DYSF: variants seen among roughly 807,000 people sequenced by gnomAD.
DYSF encodes dysferlin.
Under a neutral mutation model 274.9 loss-of-function variants are expected in DYSF, and 212 were observed. The observed-to-expected ratio is 0.77, with a 90% CI of 0.69 to 0.86. The LOEUF (loss-of-function observed/expected upper bound fraction) is 0.86, where lower values mean the gene tolerates loss of function less well. DYSF is among the 40% of genes least tolerant of loss of function. DYSF has a pLI of 0.00. For synonymous variants in DYSF, 1,091 were observed against 1,078.7 expected, an observed-to-expected ratio of 1.01 and a Z score of -0.22; for missense variants, 2,666 against 2,783.2, an observed-to-expected ratio of 0.96 and a Z score of 0.95.
intron 3 of DYSF, among the ~76,000 whole-genome samples, chr2:71,485,799 C>T (rs993836831): frequency 1.3e-5 from 2 of 152,130 alleles, no homozygotes; most frequent in Non-Finnish European, 2.9e-5. Flanking sequence ...TTCAGGGAAT[C>T]CAGTTCAATG....
At chr2:71,583,207 T>C (rs2092954321) in intron 30 of DYSF, among the ~76,000 whole-genome samples, 1 of 152,232 alleles carries the variant, frequency 6.6e-6, no homozygotes. Flanking sequence ...AAATATAATC[T>C]GCTCTCGTGA....
chr2:71,551,552 C>A, intron 18 of DYSF, 55 bp from the exon 19 acceptor site: 1 of 1,492,646 alleles, frequency 6.7e-7, no homozygotes, highest in South Asian at 1.2e-5. Context: ...TGCCCCTTTC[C>A]TTCCCCTCCT....
rs2090736331 is a variant in DYSF, at chr2:71,549,201, G to A, written c.1577-1840G>A. 6 of 724,788 alleles carry A rather than the reference G, an allele frequency of 8.3e-6. No homozygotes were observed. In the Middle Eastern group the frequency reaches 7.2e-4, roughly 87 times the overall value. 44.9% of individuals were successfully genotyped at this position (724,788 alleles called of 1,614,324 possible). On this transcript the variant is annotated intron_variant, in intron 17 of 55. Transcript: ENST00000410020. ...TGATAAATTCACAGCTGGGCAGAGG[G>A]TGGGGCCTCGGGCCACATCTGTTTC...
intron 35 of DYSF, 36 bp from the exon 36 acceptor site, chr2:71,602,740 C>G: frequency 6.2e-7 from 1 of 1,610,402 alleles, no homozygotes; most frequent in Non-Finnish European, 8.5e-7. Flanking sequence ...CTCTCACCAT[C>G]TCCTGGATGT....
chr2:71,604,793 C>T (rs897648470), intron 36 of DYSF, among the ~76,000 whole-genome samples: 8 of 152,210 alleles, frequency 5.3e-5, no homozygotes, highest in Admixed American at 6.5e-5. Context: ...CTGCCCTTGT[C>T]GAAGGCTCCC....
intron 1 of DYSF, among the ~76,000 whole-genome samples, chr2:71,456,638 G>T (rs2081076553): frequency 6.6e-6 from 1 of 152,116 alleles, no homozygotes; most frequent in Non-Finnish European, 1.5e-5. Flanking sequence ...GCCCCTTTGT[G>T]CATGTATACA....
rs368816003 is a variant in DYSF at position 71,605,441 on chromosome 2, G to C, written c.3957+2636G>C. 3.3e-4 allele frequency among the ~76,000 whole-genome samples: 51 copies of C among 152,306 alleles called. 1 individual carries two copies. The South Asian group carries it at 0.01, about 30-fold the overall frequency. ...ACACACAGCAGCTGAGGTGATCGTG[G>C]GTCCCTGAATGCCCAGGGCCCCCTA... On this transcript the variant is annotated intron_variant, in intron 36 of 55. Transcript: ENST00000410020.
intron 55 of DYSF, among the ~76,000 whole-genome samples, chr2:71,684,404 A>G (rs1573217272): frequency 6.6e-6 from 1 of 152,148 alleles, no homozygotes; most frequent in East Asian, 1.9e-4. Flanking sequence ...TTCGGAGCCC[A>G]GCTGGCCAGT....
intron 32 of DYSF, among the ~76,000 whole-genome samples, chr2:71,592,798 A>G (rs1225939074): frequency 1.3e-5 from 2 of 151,656 alleles, no homozygotes; most frequent in African/African-American, 2.4e-5. Context: ...GCTTCTCTCT[A>G]TATGGTGGGT....
At chr2:71,553,747 A>AGCGCCAAAACCCC in intron 20 of DYSF, 60 bp from the exon 21 acceptor site, 1 of 872,684 alleles carries the variant, frequency 1.1e-6, no homozygotes, top group Non-Finnish European at 1.8e-6. Context: ...CACTCTTAGC[A>AGCGCCAAAACCCC]CCCCATCCCA....
intron 12 of DYSF, among the ~76,000 whole-genome samples, chr2:71,524,552 G>A (rs1030252677): frequency 1.3e-5 from 2 of 152,204 alleles, no homozygotes; most frequent in South Asian, 2.1e-4. Flanking sequence ...AGGTTTCTAC[G>A]TGTCAAGTGT....
intron 24 of DYSF, among the ~76,000 whole-genome samples, chr2:71,565,997 C>CTG (rs143798407): frequency 1.9e-4 from 29 of 151,802 alleles, no homozygotes; most frequent in Admixed American, 3.3e-4. Context: ...GTGAGTGTGT[C>CTG]TGTGTGTGTG....
rs191310328 is a variant in DYSF at position 71,614,673 on chromosome 2, C to T, written c.4464+1263C>T. ...CAGGCTAAGCTCAGGGGAGCAACTG[C>T]GGCTCCTTCCTCTTTGTATTCTCAA... is the stretch of plus-strand genomic sequence containing the variant. On this transcript the variant is annotated intron_variant, in intron 40 of 55. Coordinates refer to ENST00000410020, the MANE Select transcript of DYSF (RefSeq NM_001130987.2). 9.9e-5 allele frequency among the ~76,000 whole-genome samples: 15 copies of T among 152,260 alleles called. No individual in the cohort carries two copies. In the East Asian group the frequency reaches 2.9e-3, roughly 29 times the overall value.
At chr2:71,472,937 TATGTAAATATCTTCCCCAGTTCTA>T (rs2082141145) in intron 1 of DYSF, among the ~76,000 whole-genome samples, 2 of 152,336 alleles carry the variant, frequency 1.3e-5, no homozygotes, top group African/African-American at 2.4e-5. Flanking sequence ...GTAAAAATTA[TATGTAAATATCTTCCCCAGTTCTA>T]ATGTAAATAT....
chr2:71,608,706 A>G (rs1158883207), intron 36 of DYSF, among the ~76,000 whole-genome samples: 1 of 151,990 alleles, frequency 6.6e-6, no homozygotes, highest in Non-Finnish European at 1.5e-5. Flanking sequence ...CCCAGCCTTT[A>G]GAGAGGAATG....
At chr2:71,471,237 A>AT (rs930128740) in intron 1 of DYSF, among the ~76,000 whole-genome samples, 7 of 152,084 alleles carry the variant, frequency 4.6e-5, no homozygotes, top group African/African-American at 1.7e-4. Flanking sequence ...TTCCTCCAAG[A>AT]TTTTTTTTCT....
At chr2:71,635,809 A>G (rs117885470) in intron 41 of DYSF, among the ~76,000 whole-genome samples, 5,130 of 151,590 alleles carry the variant, frequency 0.034, 147 homozygotes, top group Admixed American at 0.095. Context: ...CTCTGCCTTC[A>G]TGGAGAAGGA....
intron 1 of DYSF, among the ~76,000 whole-genome samples, chr2:71,456,443 G>A (rs913502159): frequency 1.3e-5 from 2 of 152,174 alleles, no homozygotes; most frequent in African/African-American, 4.8e-5. Context: ...CCCTGGCAGG[G>A]TCAGCTTGGT....
chr2:71,685,489 G>A (rs1292254578), intron 55 of DYSF, among the ~76,000 whole-genome samples: 1 of 152,212 alleles, frequency 6.6e-6, no homozygotes, highest in Admixed American at 6.5e-5. Context: ...CAGATGATGA[G>A]GGCCGGGCCC....
Sources: gnomAD v4.1 joint callset for allele counts (sites outside exome capture counted in the v4.1 genomes callset) on GRCh38, gnomAD v4.1.1 for gene constraint, MANE v1.5 for transcripts, NCBI Gene and HGNC (gene_info 2026-07-23, HGNC 2026-07-21) for gene names.